Variants in WWOX observed in about 807,000 individuals in gnomAD.
The protein encoded by WWOX is WW domain containing oxidoreductase.
A neutral mutation model predicts 46.2 loss-of-function variants in WWOX; 69 were observed. That is an observed-to-expected ratio of 1.49 (90% CI 1.23 to 1.82). The LOEUF (loss-of-function observed/expected upper bound fraction) is 1.82. WWOX is among the 40% of genes most tolerant of loss of function. The probability of loss-of-function intolerance (pLI) is 0.00; values close to 1 mark genes in which losing one functional copy is unlikely to be tolerated. For synonymous variants in WWOX, 359 were observed against 202.6 expected, an observed-to-expected ratio of 1.77 and a Z score of -6.56; for missense variants, 919 against 542.6, an observed-to-expected ratio of 1.69 and a Z score of -6.89.
intron 8 of WWOX, among the ~76,000 whole-genome samples, chr16:78,997,285 G>T (rs551975739): frequency 1.3e-5 from 2 of 152,190 alleles, no homozygotes; most frequent in South Asian, 4.1e-4. Context: ...ATAATATAAG[G>T]TCCTTTCCTT....
intron 5 of WWOX, among the ~76,000 whole-genome samples, chr16:78,298,502 T>A (rs917078807): frequency 6.6e-6 from 1 of 152,132 alleles, no homozygotes; most frequent in African/African-American, 2.4e-5. Flanking sequence ...TTAATAATAG[T>A]CACAGCTAGC....
At chr16:79,066,211 G>A (rs1410621387) in intron 8 of WWOX, among the ~76,000 whole-genome samples, 1 of 152,114 alleles carries the variant, frequency 6.6e-6, no homozygotes, top group Non-Finnish European at 1.5e-5. Flanking sequence ...CACGTGGGAC[G>A]TTCCTTCCAG....
intron 5 of WWOX, among the ~76,000 whole-genome samples, chr16:78,374,859 C>G (rs1227404420): frequency 6.6e-6 from 1 of 151,866 alleles, no homozygotes; most frequent in Non-Finnish European, 1.5e-5. Flanking sequence ...CCTGTTTTTG[C>G]ATTTTTAGTA....
intron 8 of WWOX, among the ~76,000 whole-genome samples, chr16:79,077,030 A>T (rs1439580183): frequency 6.6e-6 from 1 of 152,190 alleles, no homozygotes; most frequent in Non-Finnish European, 1.5e-5. Flanking sequence ...GAAAAACAGT[A>T]GCCGATCATC....
intron 5 of WWOX, among the ~76,000 whole-genome samples, chr16:78,192,181 TA>T (rs1367893212): frequency 2.0e-5 from 3 of 151,936 alleles, no homozygotes; most frequent in Non-Finnish European, 4.4e-5. Context: ...TAATCTGAAA[TA>T]AAAGTTGAAA....
In WWOX at chr16:78,108,312, T is replaced by C. The variant is rs4887937; in HGVS notation, c.108-111T>C. 0.83 allele frequency: 866,823 copies of C among 1,048,184 alleles called. 359,129 individuals carry two copies. The highest frequency in any genetic ancestry group is 0.86 in the East Asian group (32,037 of 37,050). 64.9% of individuals were successfully genotyped at this position (1,048,184 alleles called of 1,614,324 possible). A position where few individuals can be genotyped will look rare whatever the true frequency, so the allele number is the denominator to read the frequency against. On this transcript the variant is annotated intron_variant, in intron 1 of 8. Coordinates refer to ENST00000566780, the MANE Select transcript of WWOX (RefSeq NM_016373.4). ...CAGTCCTCTTTCTCCTTCTTCCCCC[T>C]ACTTCCTTCTTATATCTGGCTATCT... is the stretch of plus-strand genomic sequence containing the variant.
At chr16:78,907,950 G>C (rs1008906557) in intron 8 of WWOX, among the ~76,000 whole-genome samples, 4 of 152,208 alleles carry the variant, frequency 2.6e-5, no homozygotes, top group African/African-American at 9.6e-5. Context: ...AGAAAGGGGA[G>C]GAGGCTGGGA....
At chr16:78,846,869 C>T (rs1174100319) in intron 8 of WWOX, among the ~76,000 whole-genome samples, 1 of 152,154 alleles carries the variant, frequency 6.6e-6, no homozygotes, top group African/African-American at 2.4e-5. Context: ...GGTGGGAATT[C>T]TTCTACATGG....
chr16:78,446,351 G>A (rs911801978), intron 8 of WWOX, among the ~76,000 whole-genome samples: 4 of 152,108 alleles, frequency 2.6e-5, no homozygotes, highest in South Asian at 4.2e-4. Context: ...TTTCTCCATG[G>A]CCTTGGTCAA....
intron 1 of WWOX, among the ~76,000 whole-genome samples, chr16:78,107,779 G>A (rs2032244595): frequency 6.6e-6 from 1 of 151,964 alleles, no homozygotes; most frequent in Non-Finnish European, 1.5e-5. Flanking sequence ...AGTCCAGCCT[G>A]GGCAACATAG....
In WWOX at chr16:78,693,456, G is replaced by A. The variant is rs560018475; in HGVS notation, c.1056+260704G>A. On this transcript the variant is annotated intron_variant, in intron 8 of 8. Transcript: ENST00000566780. ...ATGCCTATTTAGTCCCAGTTTTCCA[G>A]CTTCTATTTTTTTCCACATAATCCC... is the stretch of plus-strand genomic sequence containing the variant. 1.2e-4 allele frequency among the ~76,000 whole-genome samples: 19 copies of A among 152,190 alleles called. 1 individual carries two copies. The East Asian group carries it at 1.7e-3, about 14-fold the overall frequency.
intron 8 of WWOX, chr16:78,825,933 C>G: frequency 1.3e-6 from 1 of 799,252 alleles, no homozygotes; most frequent in Non-Finnish European, 2.0e-6. Context: ...GTAGTGCCCA[C>G]CACTCCCATC....
chr16:78,832,579 C>G (rs74789475), intron 8 of WWOX, among the ~76,000 whole-genome samples: 34 of 152,254 alleles, frequency 2.2e-4, no homozygotes, highest in Admixed American at 2.0e-4. Context: ...TTCACTGGTT[C>G]GGCTATTGGC....
intron 6 of WWOX, among the ~76,000 whole-genome samples, chr16:78,411,422 A>G (rs1171590086): frequency 2.6e-5 from 4 of 152,154 alleles, no homozygotes; most frequent in Non-Finnish European, 4.4e-5. Flanking sequence ...ACCTTGAAGA[A>G]CAATTAGGAA....
At position 78,959,041 on chromosome 16, in the gene WWOX, A is replaced by C. The variant is rs1217533487; in HGVS notation, c.1057-252567A>C. On this transcript the variant is annotated intron_variant, in intron 8 of 8. Coordinates refer to ENST00000566780, the MANE Select transcript of WWOX (RefSeq NM_016373.4). ...TAACAGCAAGACATTTAATATTAAA[A>C]TAATGTAATGTTTTTAAAAATGCTT... Among the ~76,000 whole-genome samples, 7 of 152,330 alleles carry C rather than the reference A, an allele frequency of 4.6e-5. No individual in the cohort carries two copies. In the East Asian group the frequency reaches 1.3e-3, roughly 29 times the overall value.
chr16:78,999,727 G>A lies in WWOX; in HGVS notation c.1057-211881G>A, dbSNP rs901328738. Among the ~76,000 whole-genome samples, 6 of 152,256 alleles carry A rather than the reference G, an allele frequency of 3.9e-5. No individual in the cohort carries two copies. The East Asian group carries it at 1.2e-3, about 29-fold the overall frequency. Reference sequence around the variant, plus strand: ...AGAGAGTTCTTGTGAAAGTGGGAGGGGGATGAGGGTTGGAAAATTGCCTGT... The same window carrying A: ...AGAGAGTTCTTGTGAAAGTGGGAGGAGGATGAGGGTTGGAAAATTGCCTGT... On this transcript the variant is annotated intron_variant, in intron 8 of 8. Transcript: ENST00000566780.
intron 8 of WWOX, among the ~76,000 whole-genome samples, chr16:78,973,126 C>T (rs535466346): frequency 1.3e-5 from 2 of 152,166 alleles, no homozygotes; most frequent in Non-Finnish European, 2.9e-5. Flanking sequence ...ATTCCCTTCC[C>T]GTATAAGGTG....
At chr16:78,783,914 A>G (rs1291263895) in intron 8 of WWOX, among the ~76,000 whole-genome samples, 1 of 151,748 alleles carries the variant, frequency 6.6e-6, no homozygotes, top group Non-Finnish European at 1.5e-5. Flanking sequence ...GATGGTGATG[A>G]TGATGTCGAT....
chr16:78,456,974 G>A (rs1226423427), intron 8 of WWOX, among the ~76,000 whole-genome samples: 1 of 152,222 alleles, frequency 6.6e-6, no homozygotes, highest in East Asian at 1.9e-4. Context: ...CCCCTTGTGG[G>A]CTGGCAGCAT....
Sources: gnomAD v4.1 joint callset for allele counts (sites outside exome capture counted in the v4.1 genomes callset) on GRCh38, gnomAD v4.1.1 for gene constraint, MANE v1.5 for transcripts, NCBI Gene and HGNC (gene_info 2026-07-23, HGNC 2026-07-21) for gene names.